Variants in DAB1 observed in about 807,000 individuals in gnomAD.
The protein encoded by DAB1 is DAB adaptor protein 1, also known as disabled homolog 1.
DAB1 carries 15 observed loss-of-function variants against 64.6 expected under a neutral mutation model. That is an observed-to-expected ratio of 0.23 (90% CI 0.16 to 0.36). DAB1 has a LOEUF of 0.36. DAB1 is among the 10% of genes least tolerant of loss of function. The probability of loss-of-function intolerance (pLI) is 1.00; values close to 1 mark genes in which losing one functional copy is unlikely to be tolerated. For synonymous variants in DAB1, 235 were observed against 251.9 expected (o/e 0.93, Z 0.64); for missense variants, 596 against 706.7 (o/e 0.84, Z 1.78).
chr1:57,298,573 G>C (rs1219793283), intron 1 of DAB1, among the ~76,000 whole-genome samples: 1 of 151,948 alleles, frequency 6.6e-6, no homozygotes, highest in Non-Finnish European at 1.5e-5. Context: ...AAATATGGGA[G>C]ACATATCTTA....
At chr1:57,107,132 T>TG (rs1167175360) in intron 4 of DAB1, among the ~76,000 whole-genome samples, 1 of 152,002 alleles carries the variant, frequency 6.6e-6, no homozygotes, top group Non-Finnish European at 1.5e-5. Flanking sequence ...CCCAGCACTT[T>TG]GGGGGGCTGA....
At chr1:57,468,196 T>A (rs1310342280) in intron 7 of DAB1, among the ~76,000 whole-genome samples, 1 of 152,076 alleles carries the variant, frequency 6.6e-6, no homozygotes, top group Admixed American at 6.6e-5. Context: ...TAGGAAGAGC[T>A]CAGTGAGTGA....
chr1:57,392,281 G>A (rs536181687), intron 1 of DAB1, among the ~76,000 whole-genome samples: 3 of 152,320 alleles, frequency 2.0e-5, no homozygotes, highest in African/African-American at 7.2e-5. Flanking sequence ...GCTAAGGCAG[G>A]AGAATTGCTT....
At position 57,147,990 on chromosome 1, in the gene DAB1, T is replaced by A. The variant is rs542446301; in HGVS notation, c.68-2561A>T. 2.0e-5 allele frequency among the ~76,000 whole-genome samples: 3 copies of A among 152,322 alleles called. No homozygotes were observed. In the South Asian group the frequency reaches 6.2e-4, roughly 32 times the overall value. ...TGTTCGCCTAACCACCATGATCAGTTGCTTCTTTTCTACGCAACTTTCTTA... is the reference window on the plus strand; with the variant it reads ...TGTTCGCCTAACCACCATGATCAGTAGCTTCTTTTCTACGCAACTTTCTTA... On this transcript the variant is annotated intron_variant, in intron 2 of 14. Coordinates refer to ENST00000371236, the MANE Select transcript of DAB1 (RefSeq NM_001365792.1).
chr1:58,294,486 G>A (rs549676998), intron 4 of DAB1, among the ~76,000 whole-genome samples: 1 of 152,228 alleles, frequency 6.6e-6, no homozygotes, highest in African/African-American at 2.4e-5. Context: ...CATTTGTTGA[G>A]CACCTACTAT....
chr1:58,454,800 T>C (rs1210800564), intron 3 of DAB1, among the ~76,000 whole-genome samples: 3 of 152,148 alleles, frequency 2.0e-5, no homozygotes, highest in Non-Finnish European at 4.4e-5. Flanking sequence ...GTAAAGCGCT[T>C]TTCTCCTTTC....
intron 5 of DAB1, among the ~76,000 whole-genome samples, chr1:57,994,908 A>G (rs936723360): frequency 2.7e-5 from 4 of 146,130 alleles, no homozygotes; most frequent in Non-Finnish European, 4.6e-5. Flanking sequence ...TTAAAAAAAA[A>G]GAAAGAAGAG....
intron 7 of DAB1, among the ~76,000 whole-genome samples, chr1:57,606,578 TATA>T (rs1345693747): frequency 1.9e-5 from 2 of 104,668 alleles, no homozygotes; most frequent in African/African-American, 3.7e-5. Context: ...ATATGAAATA[TATA>T]ATATAATATA....
intron 9 of DAB1, among the ~76,000 whole-genome samples, chr1:57,038,654 G>T (rs1295097968): frequency 2.0e-5 from 3 of 152,174 alleles, no homozygotes. Context: ...TGTACAGAAG[G>T]TTGGAGGATA....
intron 7 of DAB1, among the ~76,000 whole-genome samples, chr1:57,489,215 A>G (rs1002244315): frequency 2.6e-5 from 4 of 152,214 alleles, no homozygotes; most frequent in Non-Finnish European, 1.5e-5. Context: ...ATCTGCACAG[A>G]TTATTTGTGC....
intron 4 of DAB1, among the ~76,000 whole-genome samples, chr1:58,158,599 T>C (rs1241051215): frequency 1.3e-5 from 2 of 152,070 alleles, no homozygotes; most frequent in African/African-American, 2.4e-5. Context: ...CTACACACAC[T>C]GGAGAGAAAA....
chr1:57,151,807 AT>A (rs34012935), intron 2 of DAB1, among the ~76,000 whole-genome samples: 10,293 of 106,342 alleles, frequency 0.097, 162 homozygotes, highest in East Asian at 0.24. Context: ...CTAATGTTTA[AT>A]TTTTTTTTTT....
At chr1:58,368,441 G>A (rs1391519073) in intron 3 of DAB1, among the ~76,000 whole-genome samples, 1 of 152,202 alleles carries the variant, frequency 6.6e-6, no homozygotes, top group Non-Finnish European at 1.5e-5. Flanking sequence ...AAGGATAAAT[G>A]AAATGTAGAA....
intron 4 of DAB1, among the ~76,000 whole-genome samples, chr1:57,093,457 C>G (rs1350534055): frequency 6.6e-6 from 1 of 152,002 alleles, no homozygotes; most frequent in Non-Finnish European, 1.5e-5. Context: ...ACTTATCTAC[C>G]CTGCAATGTG....
chr1:57,105,117 A>C (rs779768896), intron 4 of DAB1, among the ~76,000 whole-genome samples: 7 of 152,112 alleles, frequency 4.6e-5, no homozygotes, highest in African/African-American at 1.7e-4. Flanking sequence ...CAACTGACTC[A>C]TCAGTTTGGT....
At chr1:58,114,820 T>C (rs1391383378) in intron 5 of DAB1, among the ~76,000 whole-genome samples, 1 of 152,208 alleles carries the variant, frequency 6.6e-6, no homozygotes, top group African/African-American at 2.4e-5. Context: ...AATCAGTGTG[T>C]ATTGTTACAA....
At chr1:57,281,439 C>T (rs1367809817) in intron 2 of DAB1, among the ~76,000 whole-genome samples, 4 of 152,134 alleles carry the variant, frequency 2.6e-5, no homozygotes, top group African/African-American at 7.2e-5. Context: ...ATGTACAAAA[C>T]CCCACGTGTA....
intron 4 of DAB1, among the ~76,000 whole-genome samples, chr1:58,314,524 C>T (rs954830660): frequency 6.6e-6 from 1 of 152,134 alleles, no homozygotes. Flanking sequence ...TTTGTACTTA[C>T]GATTGAGTCG....
Position 58,385,286 on chromosome 1 carries a change from C to T in DAB1, n.258-41883G>A, listed in dbSNP as rs571522976. Among the ~76,000 whole-genome samples, 285 of 152,228 alleles carry T rather than the reference C, an allele frequency of 1.9e-3. 9 individuals are homozygous for T. The South Asian group carries it at 0.053, about 28-fold the overall frequency. On this transcript the variant is annotated intron_variant and non_coding_transcript_variant, in intron 3 of 20. Coordinates refer to the DAB1 transcript ENST00000485760. ...TCAACAAAGCTAAAGAGAAATTAATCCTCTCCTTTTATGTGCTTTCCTAGC... is the reference window on the plus strand; with the variant it reads ...TCAACAAAGCTAAAGAGAAATTAATTCTCTCCTTTTATGTGCTTTCCTAGC...
Sources: allele counts gnomAD v4.1 joint callset (sites outside exome capture counted in the v4.1 genomes callset), GRCh38; gene constraint gnomAD v4.1.1; transcripts MANE v1.5; gene names NCBI Gene and HGNC (gene_info 2026-07-23, HGNC 2026-07-21).